Variants in GRID2 observed in about 807,000 individuals in gnomAD.
The protein encoded by GRID2 is glutamate ionotropic receptor delta type subunit 2.
A neutral mutation model predicts 114.8 loss-of-function variants in GRID2; 33 were observed. The ratio of observed to expected loss-of-function variants is 0.29; its 90% CI spans 0.22 to 0.38. The LOEUF (loss-of-function observed/expected upper bound fraction) is 0.38, where lower values mean the gene tolerates loss of function less well. GRID2 is among the 10% of genes least tolerant of loss of function. The pLI is 1.00. For missense variants in GRID2, 1,184 were observed against 1,257.7 expected (o/e 0.94, Z 0.89); for synonymous variants, 505 against 449.9 (o/e 1.12, Z -1.55).
At chr4:92,531,700 A>G (rs1484719054) in intron 1 of GRID2, among the ~76,000 whole-genome samples, 2 of 152,152 alleles carry the variant, frequency 1.3e-5, no homozygotes, top group Admixed American at 6.6e-5. Flanking sequence ...AATTTATGAG[A>G]GGACTAGAAA....
intron 2 of GRID2, among the ~76,000 whole-genome samples, chr4:92,948,245 G>A (rs1211393573): frequency 6.6e-6 from 1 of 151,652 alleles, no homozygotes; most frequent in Non-Finnish European, 1.5e-5. Flanking sequence ...GTTTTAATCG[G>A]CATTTTTGTA....
At chr4:92,461,665 T>A (rs1721501723) in intron 1 of GRID2, among the ~76,000 whole-genome samples, 1 of 152,066 alleles carries the variant, frequency 6.6e-6, no homozygotes, top group African/African-American at 2.4e-5. Context: ...ATTTTCTTCC[T>A]GATCTCTTAA....
intron 2 of GRID2, among the ~76,000 whole-genome samples, chr4:92,785,037 C>T (rs1414921022): frequency 6.7e-6 from 1 of 149,650 alleles, no homozygotes; most frequent in Non-Finnish European, 1.5e-5. Flanking sequence ...TAAAATTTTC[C>T]ACTTTAATTC....
At chr4:92,953,773 G>A (rs535269721) in intron 2 of GRID2, among the ~76,000 whole-genome samples, 52 of 152,030 alleles carry the variant, frequency 3.4e-4, no homozygotes, top group Non-Finnish European at 6.3e-4. Context: ...TGTCAATAGC[G>A]AAATTAACTA....
intron 2 of GRID2, among the ~76,000 whole-genome samples, chr4:92,766,013 G>T (rs965797920): frequency 1.3e-5 from 2 of 149,002 alleles, no homozygotes; most frequent in Non-Finnish European, 3.0e-5. Flanking sequence ...TAAGTGATCC[G>T]ATTTGCATAC....
intron 2 of GRID2, among the ~76,000 whole-genome samples, chr4:92,977,228 G>A (rs902332974): frequency 6.6e-6 from 1 of 152,170 alleles, no homozygotes; most frequent in African/African-American, 2.4e-5. Flanking sequence ...AGGAGAAGTT[G>A]TGGTGATGCA....
chr4:93,146,695 A>C (rs1246245051), intron 4 of GRID2, among the ~76,000 whole-genome samples: 1 of 38,190 alleles, frequency 2.6e-5, no homozygotes, highest in East Asian at 1.7e-3. Context: ...CAGGTACCTA[A>C]GTGATTTAAA....
intron 2 of GRID2, among the ~76,000 whole-genome samples, chr4:92,875,551 A>G (rs577528273): frequency 6.6e-6 from 1 of 152,302 alleles, no homozygotes; most frequent in South Asian, 2.1e-4. Context: ...GGAAATGTTT[A>G]ATAAATATAA....
At chr4:93,746,256 A>G (rs970966853) in intron 14 of GRID2, among the ~76,000 whole-genome samples, 1 of 152,188 alleles carries the variant, frequency 6.6e-6, no homozygotes, top group African/African-American at 2.4e-5. Context: ...TCATTGTACT[A>G]GGAAATAGCT....
intron 13 of GRID2, among the ~76,000 whole-genome samples, chr4:93,618,134 G>A (rs1368360100): frequency 1.3e-5 from 2 of 152,150 alleles, no homozygotes; most frequent in South Asian, 2.1e-4. Flanking sequence ...TTACATTTAT[G>A]AGCATTTCCG....
Position 93,574,864 on chromosome 4 carries a change from G to A in GRID2, c.2194-51405G>A, listed in dbSNP as rs1269006741. Among the ~76,000 whole-genome samples, 14 of 152,168 alleles carry A rather than the reference G, an allele frequency of 9.2e-5. 1 individual carries two copies. Among genetic ancestry groups the A allele is most frequent in the Admixed American group, 9.2e-4 (14 of 15,270 alleles). On this transcript the variant is annotated intron_variant, in intron 13 of 15. Transcript: ENST00000282020. ...AAAAGTTGGTGAGCTAACACAATAA[G>A]GGTTATTTCTCAACTCTATAAAGTC... is the stretch of plus-strand genomic sequence containing the variant.
At chr4:92,829,329 T>G (rs1741942447) in intron 2 of GRID2, among the ~76,000 whole-genome samples, 1 of 152,056 alleles carries the variant, frequency 6.6e-6, no homozygotes, top group Non-Finnish European at 1.5e-5. Flanking sequence ...AACACACATA[T>G]GCAAAAAAGG....
chr4:93,283,071 G>T (rs1752813077), intron 8 of GRID2, among the ~76,000 whole-genome samples: 1 of 152,164 alleles, frequency 6.6e-6, no homozygotes, highest in African/African-American at 2.4e-5. Flanking sequence ...TTCAGCATGA[G>T]ATTTGGAAGG....
intron 9 of GRID2, among the ~76,000 whole-genome samples, chr4:93,416,762 C>G (rs1334727892): frequency 1.3e-5 from 2 of 152,050 alleles, no homozygotes; most frequent in Non-Finnish European, 2.9e-5. Flanking sequence ...TGACTGAATA[C>G]AGATTCAGAA....
At chr4:93,418,871 A>C (rs1767983855) in intron 9 of GRID2, among the ~76,000 whole-genome samples, 1 of 151,982 alleles carries the variant, frequency 6.6e-6, no homozygotes, top group African/African-American at 2.4e-5. Flanking sequence ...ATTGTGTTAA[A>C]ATTTGAGATT....
At chr4:92,942,038 C>G (rs954099963) in intron 2 of GRID2, among the ~76,000 whole-genome samples, 2 of 152,144 alleles carry the variant, frequency 1.3e-5, no homozygotes, top group Admixed American at 6.6e-5. Flanking sequence ...AGAAGAATGT[C>G]TATTCTGTTA....
chr4:92,310,876 C>CA (rs1725669167), intron 1 of GRID2, among the ~76,000 whole-genome samples: 1 of 151,666 alleles, frequency 6.6e-6, no homozygotes, highest in Non-Finnish European at 1.5e-5. Flanking sequence ...GAGTGACCTT[C>CA]AAAAAAGGAA....
chr4:93,241,849 T>C (rs1201747154), intron 8 of GRID2, among the ~76,000 whole-genome samples: 2 of 151,258 alleles, frequency 1.3e-5, no homozygotes, highest in Non-Finnish European at 3.0e-5. Flanking sequence ...TTAAATGACT[T>C]TGTGAAGTTG....
intron 13 of GRID2, among the ~76,000 whole-genome samples, chr4:93,526,012 AT>A (rs1730856168): frequency 1.3e-5 from 2 of 152,124 alleles, no homozygotes; most frequent in South Asian, 4.1e-4. Flanking sequence ...TTTTTTAAAA[AT>A]TTTCTGTTGG....
Sources: gnomAD v4.1 joint callset for allele counts (sites outside exome capture counted in the v4.1 genomes callset) on GRCh38, gnomAD v4.1.1 for gene constraint, MANE v1.5 for transcripts, NCBI Gene and HGNC (gene_info 2026-07-23, HGNC 2026-07-21) for gene names.